Variants in OXSR1 observed in about 807,000 individuals in gnomAD.
OXSR1 encodes serine/threonine-protein kinase OSR1.
Under a neutral mutation model 79.8 loss-of-function variants are expected in OXSR1, and 24 were observed. The observed-to-expected ratio is 0.30, with a 90% CI of 0.22 to 0.42. The LOEUF (loss-of-function observed/expected upper bound fraction) is 0.42, where lower values mean the gene tolerates loss of function less well. OXSR1 is among the 10% of genes least tolerant of loss of function. The pLI is 1.00. For missense variants in OXSR1, 430 were observed against 618.4 expected, an observed-to-expected ratio of 0.70 and a Z score of 3.23; for synonymous variants, 226 against 209.2, an observed-to-expected ratio of 1.08 and a Z score of -0.69.
intron 4 of OXSR1, among the ~76,000 whole-genome samples, chr3:38,213,422 G>T: frequency 6.6e-6 from 1 of 152,060 alleles, no homozygotes. Context: ...CAAAGAAAAC[G>T]TGAAAAACTG....
chr3:38,185,012 C>T (rs193048157), intron 2 of OXSR1, among the ~76,000 whole-genome samples: 1 of 133,322 alleles, frequency 7.5e-6, no homozygotes, highest in Admixed American at 8.4e-5. Context: ...GGCGCGATCT[C>T]GGCTCACTCT....
rs1051554703 is a variant in OXSR1, at chr3:38,177,187, T to A, written c.71-5816T>A. On this transcript the variant is annotated intron_variant, in intron 1 of 17. Transcript: ENST00000311806. The stretch of plus-strand genomic sequence containing the variant: ...CTTGAGAAATGCCTTTCTTGTAGAT[T>A]TGTGACCAGCATGATTAGCTTCCTT... Among the ~76,000 whole-genome samples, 9 of 152,334 alleles carry A rather than the reference T, an allele frequency of 5.9e-5. No homozygotes were observed. The East Asian group carries it at 1.7e-3, about 29-fold the overall frequency.
intron 10 of OXSR1, 144 bp downstream of exon 10, chr3:38,230,574 A>G: frequency 3.2e-6 from 2 of 616,366 alleles, no homozygotes; most frequent in South Asian, 3.8e-5. Flanking sequence ...TGATACATTC[A>G]TTCAGCAAAT....
At chr3:38,216,416 A>C (rs1190280202) in intron 5 of OXSR1, among the ~76,000 whole-genome samples, 1 of 152,006 alleles carries the variant, frequency 6.6e-6, no homozygotes, top group South Asian at 2.1e-4. Flanking sequence ...GTCTTCTGCT[A>C]TGGGTTCTCA....
chr3:38,189,700 G>A (rs1701948296), intron 2 of OXSR1, among the ~76,000 whole-genome samples: 1 of 152,168 alleles, frequency 6.6e-6, no homozygotes, highest in African/African-American at 2.4e-5. Flanking sequence ...ATTTATTGAA[G>A]GTGTACTCTG....
intron 2 of OXSR1, among the ~76,000 whole-genome samples, chr3:38,185,227 A>G (rs1701862184): frequency 6.6e-6 from 1 of 152,094 alleles, no homozygotes; most frequent in African/African-American, 2.4e-5. Context: ...AAGCGACACA[A>G]AGACAACCAT....
At chr3:38,227,745 C>A (rs1702721809) in intron 8 of OXSR1, among the ~76,000 whole-genome samples, 1 of 152,056 alleles carries the variant, frequency 6.6e-6, no homozygotes, top group Non-Finnish European at 1.5e-5. Flanking sequence ...CAAGCAGTGT[C>A]CCCCTTCTTC....
At chr3:38,247,049 G>A (rs1010703730) in intron 13 of OXSR1, among the ~76,000 whole-genome samples, 2 of 151,730 alleles carry the variant, frequency 1.3e-5, no homozygotes, top group Non-Finnish European at 2.9e-5. Context: ...ATTAGTCATG[G>A]CACTTACTTC....
At chr3:38,244,673 G>GCGCGCA (rs1703104706) in intron 12 of OXSR1, among the ~76,000 whole-genome samples, 2 of 152,024 alleles carry the variant, frequency 1.3e-5, no homozygotes, top group South Asian at 4.2e-4. Flanking sequence ...GTGTGCGTGC[G>GCGCGCA]CATGTACCAC....
At chr3:38,217,409 C>T (rs1702503469) in intron 5 of OXSR1, among the ~76,000 whole-genome samples, 3 of 152,300 alleles carry the variant, frequency 2.0e-5, no homozygotes, top group East Asian at 3.9e-4. Context: ...AGAAACTCGT[C>T]CGTATCTGTG....
rs143059431 is a variant in OXSR1 at position 38,238,463 on chromosome 3, A to G, written c.1074+1502A>G. 4.4e-3 allele frequency among the ~76,000 whole-genome samples: 666 copies of G among 152,064 alleles called. 5 individuals are homozygous for G. The highest frequency in any genetic ancestry group is 8.0e-3 in the Non-Finnish European group (541 of 67,922). On this transcript the variant is annotated intron_variant, in intron 11 of 17. Transcript: ENST00000311806. ...TATGTAGATCCAGATTTCCATCTTT[A>G]TATTATTTTCCTTATGCCTGAAAAA...
At position 38,252,894 on chromosome 3, in the gene OXSR1, C is replaced by T. The variant is rs368493165; in HGVS notation, c.*3C>T. The T allele has an allele frequency of 8.1e-6, 13 of 1,612,492 alleles. No individual in the cohort carries two copies. The African/African-American group carries it at 1.6e-4, about 20-fold the overall frequency. The stretch of plus-strand genomic sequence containing the variant: ...TTGCCCAGCTCAGCATCAGCTAAAC[C>T]ACAACCCTGGAAGAGGCGGCCTAAG... On this transcript the variant is annotated 3_prime_UTR_variant, in exon 18 of 18. Transcript: ENST00000311806.
Position 38,165,959 on chromosome 3 carries a change from G to T in OXSR1, c.70+13G>T, listed in dbSNP as rs373962756. ...CAGGAGGTGATCGGTGAGAGCAGGCGCTGCGGAGGGGGGAGGCGCGGCGCT... is the reference window on the plus strand; with the variant it reads ...CAGGAGGTGATCGGTGAGAGCAGGCTCTGCGGAGGGGGGAGGCGCGGCGCT... On this transcript the variant is annotated intron_variant, in intron 1 of 17. Coordinates refer to ENST00000311806, the MANE Select transcript of OXSR1 (RefSeq NM_005109.3). 5 of 1,607,958 alleles carry T rather than the reference G, an allele frequency of 3.1e-6. No individual in the cohort carries two copies. The highest frequency in any genetic ancestry group is 4.2e-6 in the Non-Finnish European group (5 of 1,177,490).
chr3:38,187,878 A>G (rs1237859622), intron 2 of OXSR1, among the ~76,000 whole-genome samples: 3 of 152,064 alleles, frequency 2.0e-5, no homozygotes, highest in Non-Finnish European at 4.4e-5. Context: ...GAGCCACTGT[A>G]CCTGGCCTAT....
chr3:38,242,886 A>G (rs762028856), intron 12 of OXSR1, 108 bp downstream of exon 12: 1 of 538,024 alleles, frequency 1.9e-6, no homozygotes, highest in Non-Finnish European at 3.3e-6. Flanking sequence ...TGGGAATGCA[A>G]CTTTATACCA....
At chr3:38,197,286 C>T (rs557626039) in intron 3 of OXSR1, among the ~76,000 whole-genome samples, 1 of 152,198 alleles carries the variant, frequency 6.6e-6, no homozygotes, top group Non-Finnish European at 1.5e-5. Flanking sequence ...CTGCCTATCT[C>T]CTATTGGAGG....
intron 1 of OXSR1, among the ~76,000 whole-genome samples, chr3:38,181,573 G>C (rs1701787211): frequency 6.6e-6 from 1 of 151,930 alleles, no homozygotes; most frequent in Non-Finnish European, 1.5e-5. Flanking sequence ...GGCCAAGATG[G>C]TCGCGATCTC....
chr3:38,164,891 C>T (rs1364297749), upstream of OXSR1, among the ~76,000 whole-genome samples: 1 of 152,180 alleles, frequency 6.6e-6, no homozygotes, highest in African/African-American at 2.4e-5. Flanking sequence ...GGCAAACTTC[C>T]AGTTTCACTC....
At chr3:38,218,242 A>G (rs1323183994) in intron 5 of OXSR1, among the ~76,000 whole-genome samples, 8 of 152,020 alleles carry the variant, frequency 5.3e-5, no homozygotes, top group Non-Finnish European at 1.2e-4. Flanking sequence ...AGAGTGCACA[A>G]GAATCCAATT....
Sources: gnomAD v4.1 joint callset for allele counts (sites outside exome capture counted in the v4.1 genomes callset) on GRCh38, gnomAD v4.1.1 for gene constraint, MANE v1.5 for transcripts, NCBI Gene and HGNC (gene_info 2026-07-23, HGNC 2026-07-21) for gene names.